TDRD5: variants seen among roughly 807,000 people sequenced by gnomAD.
TDRD5 encodes the protein tudor domain containing 5.
A neutral mutation model predicts 120.6 loss-of-function variants in TDRD5; 41 were observed. The observed-to-expected ratio is 0.34, with a 90% CI of 0.26 to 0.44. TDRD5 has a LOEUF of 0.44. TDRD5 is among the 20% of genes least tolerant of loss of function. The pLI, the probability that TDRD5 is intolerant of heterozygous loss-of-function variation, is 1.00. For synonymous variants in TDRD5, 430 were observed against 433.7 expected (o/e 0.99, Z 0.11); for missense variants, 1,006 against 1,221.2 (o/e 0.82, Z 2.63).
chr1:179,628,324 CTTTTTT>C (rs71569258), intron 6 of TDRD5, among the ~76,000 whole-genome samples: 6,175 of 54,792 alleles, frequency 0.11, 249 homozygotes, highest in Non-Finnish European at 0.15. Flanking sequence ...CTTTTCTTTT[CTTTTTT>C]TTTTTTTTTT....
intron 11 of TDRD5, among the ~76,000 whole-genome samples, chr1:179,649,132 G>T (rs753573714): frequency 6.6e-6 from 1 of 152,000 alleles, no homozygotes; most frequent in African/African-American, 2.4e-5. Context: ...CTGTCTCTAG[G>T]TGTTTTTAAA....
At chr1:179,683,339 GA>G (rs1680531160) in intron 17 of TDRD5, among the ~76,000 whole-genome samples, 1 of 152,142 alleles carries the variant, frequency 6.6e-6, no homozygotes, top group Non-Finnish European at 1.5e-5. Context: ...CACCATGACT[GA>G]AAGCAGAAAT....
intron 12 of TDRD5, 72 bp downstream of exon 12, chr1:179,651,139 A>G: frequency 6.7e-7 from 1 of 1,503,008 alleles, no homozygotes; most frequent in Admixed American, 2.0e-5. Flanking sequence ...AGATAATTTA[A>G]TAAAGAAGTT....
At chr1:179,605,888 A>T (rs754361761) in intron 4 of TDRD5, among the ~76,000 whole-genome samples, 3 of 152,100 alleles carry the variant, frequency 2.0e-5, no homozygotes, top group Non-Finnish European at 2.9e-5. Context: ...GTTTCCTCAT[A>T]AAGTTGCTAT....
chr1:179,682,131 A>T (rs1373798602), intron 17 of TDRD5, among the ~76,000 whole-genome samples: 1 of 149,730 alleles, frequency 6.7e-6, no homozygotes, highest in Non-Finnish European at 1.5e-5. Flanking sequence ...GTCATTTCTG[A>T]ATCTGTTTAT....
At chr1:179,643,330 A>G (rs902633417) in intron 11 of TDRD5, among the ~76,000 whole-genome samples, 2 of 152,196 alleles carry the variant, frequency 1.3e-5, no homozygotes, top group African/African-American at 4.8e-5. Context: ...CATGGGAGAA[A>G]AAAAAACAGG....
At position 179,690,921 on chromosome 1, in the gene TDRD5, G is replaced by T. The variant is rs984019528; in HGVS notation, c.3086G>T (p.Ser1029Ile). The T allele has an allele frequency of 1.7e-5, 27 of 1,613,378 alleles. No homozygotes were observed. The highest frequency in any genetic ancestry group is 2.2e-5 in the Non-Finnish European group (26 of 1,179,756). Residue 1029 changes from serine (S) to isoleucine (I), a missense_variant, in exon 18 of 18, where the codon AGT becomes ATT. Ser to Ile is a moderately radical substitution (Grantham distance 142). Coordinates refer to ENST00000444136, the MANE Select transcript of TDRD5 (RefSeq NM_001199085.3). ...AGGAGCCTCCTACACTGGTACCCCAGTGTGAAAAGGATGGAAGCATGAGGG... is the reference window on the plus strand; with the variant it reads ...AGGAGCCTCCTACACTGGTACCCCATTGTGAAAAGGATGGAAGCATGAGGG... The part of the protein sequence containing the change: ...TSRSLLHWYP[S>I]VKRMEA
intron 17 of TDRD5, among the ~76,000 whole-genome samples, chr1:179,679,366 A>G (rs1156617665): frequency 1.3e-5 from 2 of 152,100 alleles, no homozygotes; most frequent in African/African-American, 4.8e-5. Context: ...TATCCAGATA[A>G]TGATGCTGTC....
chr1:179,618,842 G>C (rs938646002), intron 5 of TDRD5, among the ~76,000 whole-genome samples, 160 bp downstream of exon 5: 5 of 151,996 alleles, frequency 3.3e-5, no homozygotes, highest in Non-Finnish European at 4.4e-5. Context: ...AACAAAATAC[G>C]TACTCCTAAA....
At chr1:179,604,625 T>G (rs906424741) in intron 4 of TDRD5, among the ~76,000 whole-genome samples, 1 of 152,170 alleles carries the variant, frequency 6.6e-6, no homozygotes, top group South Asian at 2.1e-4. Flanking sequence ...CATCTTGATT[T>G]CATTTTTGAC....
intron 4 of TDRD5, among the ~76,000 whole-genome samples, chr1:179,612,630 T>G (rs1261213431): frequency 1.3e-5 from 2 of 152,146 alleles, no homozygotes; most frequent in Admixed American, 6.6e-5. Context: ...CTAGTCTTAA[T>G]ACCATTTAAG....
chr1:179,611,902 G>T (rs1479954947), intron 4 of TDRD5, among the ~76,000 whole-genome samples: 2 of 152,110 alleles, frequency 1.3e-5, no homozygotes, highest in Non-Finnish European at 2.9e-5. Context: ...GTTCTGAGAG[G>T]GGGTGTGGGT....
rs760991160 is a variant in TDRD5, at chr1:179,654,341, C to T, written c.2301C>T (p.Asn767=). 83 of 1,530,508 alleles carry T rather than the reference C, an allele frequency of 5.4e-5. 1 individual carries two copies. The East Asian group carries it at 1.1e-3, about 19-fold the overall frequency. The allele number at this position is 1,530,508 out of a possible 1,614,324, so 94.8% of individuals were successfully genotyped here. ...CAAAGTGGTCCAACCCAGAACCAAACGATCTGAAGGAAGAAAATGAGGTAG... is the reference window on the plus strand; with the variant it reads ...CAAAGTGGTCCAACCCAGAACCAAATGATCTGAAGGAAGAAAATGAGGTAG... The part of the protein sequence containing the change: ...EDPKWSNPEP[N]DLKEENEDEI... Residue 767 remains asparagine, a synonymous_variant, in exon 14 of 18, where the codon AAC becomes AAT. Coordinates refer to ENST00000444136, the MANE Select transcript of TDRD5 (RefSeq NM_001199085.3).
In TDRD5 at chr1:179,663,484, C is replaced by T. The variant is rs750889576; in HGVS notation, c.2642C>T (p.Thr881Ile). 127 of 1,609,606 alleles carry T rather than the reference C, an allele frequency of 7.9e-5. No homozygotes were observed. The highest frequency in any genetic ancestry group is 1.0e-4 in the Non-Finnish European group (118 of 1,178,890). The change falls in exon 16 of 18, where the codon ACT becomes ATT. Residue 881 changes from threonine to isoleucine, a missense_variant. Coordinates refer to ENST00000444136, the MANE Select transcript of TDRD5 (RefSeq NM_001199085.3). ...GAAAAAAATACTGGCACAAACAGGA[C>T]TCAAAAGGTAAATGTCTAATGCAGG... ...AQEKNTGTNRTQKQLDINGSS... is the reference protein window; with the variant it reads ...AQEKNTGTNRIQKQLDINGSS...
intron 11 of TDRD5, among the ~76,000 whole-genome samples, chr1:179,645,109 G>A (rs867188305): frequency 1.4e-4 from 18 of 126,124 alleles, no homozygotes; most frequent in African/African-American, 4.4e-4. Context: ...TTTTTGAGAC[G>A]GAGTCTCGCT....
chr1:179,652,613 C>T (rs1036911774), intron 13 of TDRD5, among the ~76,000 whole-genome samples: 9 of 152,144 alleles, frequency 5.9e-5, no homozygotes, highest in African/African-American at 7.2e-5. Flanking sequence ...CATTATTTAT[C>T]GAACTTGTAC....
At chr1:179,680,733 G>A (rs1680375853) in intron 17 of TDRD5, among the ~76,000 whole-genome samples, 1 of 152,138 alleles carries the variant, frequency 6.6e-6, no homozygotes, top group Non-Finnish European at 1.5e-5. Flanking sequence ...AGAGACCAAG[G>A]CAGGAGGGTC....
intron 16 of TDRD5, among the ~76,000 whole-genome samples, chr1:179,664,338 A>G (rs1408720839): frequency 2.0e-5 from 3 of 151,898 alleles, no homozygotes; most frequent in African/African-American, 7.3e-5. Context: ...TACCATTATA[A>G]TTCACTATTT....
intron 17 of TDRD5, among the ~76,000 whole-genome samples, chr1:179,683,337 C>T (rs1395250211): frequency 3.3e-5 from 5 of 152,182 alleles, no homozygotes; most frequent in Admixed American, 3.3e-4. Context: ...AACACCATGA[C>T]TGAAAGCAGA....
Sources: allele counts gnomAD v4.1 joint callset (sites outside exome capture counted in the v4.1 genomes callset), GRCh38; gene constraint gnomAD v4.1.1; transcripts MANE v1.5; gene names NCBI Gene and HGNC (gene_info 2026-07-23, HGNC 2026-07-21).